The following PIK3C2B variants were observed in gnomAD, a reference collection of about 807,000 sequenced individuals.
The protein encoded by PIK3C2B is phosphatidylinositol-4-phosphate 3-kinase catalytic subunit type 2 beta, also known as phosphatidylinositol 4-phosphate 3-kinase C2 domain-containing subunit beta.
PIK3C2B carries 83 observed loss-of-function variants against 184.3 expected under a neutral mutation model. The observed-to-expected ratio is 0.45, with a 90% CI of 0.38 to 0.54. PIK3C2B has a LOEUF of 0.54. Among genes scored for constraint, PIK3C2B ranks in the 20% least tolerant of loss-of-function variants. PIK3C2B has a pLI of 0.00. For missense variants in PIK3C2B, 1,736 were observed against 2,113.5 expected (o/e 0.82, Z 3.50); for synonymous variants, 779 against 837.6 (o/e 0.93, Z 1.21).
In PIK3C2B at chr1:204,431,557, A is replaced by G. The variant is rs940497494; in HGVS notation, c.4280+112T>C. ...ATACCAGGCCAAGCAAAGCAGGCAG[A>G]TGTTTAGTCCAAAAGGGTATTTTCT... On this transcript the variant is annotated intron_variant, in intron 28 of 32. Transcript: ENST00000684373. 5.3e-6 allele frequency: 7 copies of G among 1,326,228 alleles called. No individual in the cohort carries two copies. The South Asian group carries it at 8.4e-5, about 16-fold the overall frequency. 82.2% of individuals were successfully genotyped at this position (1,326,228 alleles called of 1,614,324 possible). A position where few individuals can be genotyped will look rare whatever the true frequency, so the allele number is the denominator to read the frequency against.
At chr1:204,436,354 AC>A (rs561099108) in intron 23 of PIK3C2B, among the ~76,000 whole-genome samples, 47 of 151,994 alleles carry the variant, frequency 3.1e-4, no homozygotes, top group Non-Finnish European at 5.7e-4. Context: ...ACATGGCAAA[AC>A]CCCATCTCCA....
intron 2 of PIK3C2B, chr1:204,466,911 G>A (rs772674480): frequency 5.6e-6 from 3 of 533,256 alleles, no homozygotes; most frequent in South Asian, 4.2e-5. Flanking sequence ...CTGGGATAAG[G>A]AGGTTCCCTC....
intron 31 of PIK3C2B, among the ~76,000 whole-genome samples, 155 bp downstream of exon 31, chr1:204,427,493 T>G (rs1674805213): frequency 6.6e-6 from 1 of 152,196 alleles, no homozygotes; most frequent in Non-Finnish European, 1.5e-5. Flanking sequence ...TATTGCCTAG[T>G]CATACCATAG....
intron 16 of PIK3C2B, among the ~76,000 whole-genome samples, chr1:204,445,156 T>C (rs1189099038): frequency 6.7e-6 from 1 of 150,228 alleles, no homozygotes; most frequent in Non-Finnish European, 1.5e-5. Context: ...ACTCAGCCAA[T>C]GTACAGGTAA....
chr1:204,456,887 CA>C lies in PIK3C2B; in HGVS notation c.1747+149del. On this transcript the variant is annotated intron_variant, in intron 10 of 32. Coordinates refer to ENST00000684373, the MANE Select transcript of PIK3C2B (RefSeq NM_001377334.1). Reference sequence around the variant, plus strand: ...CCTCATATAGGAACACACACACACACACACACACACACACACACACCCACAC... The same window carrying C: ...CCTCATATAGGAACACACACACACACCACACACACACACACACACCCACAC... 2.6e-5 allele frequency: 13 copies of C among 496,832 alleles called. 2 individuals are homozygous for C. The East Asian group carries it at 4.8e-4, about 18-fold the overall frequency. The allele number at this position is 496,832 out of a possible 1,614,324, so 30.8% of individuals were successfully genotyped here. A position where few individuals can be genotyped will look rare whatever the true frequency, so the allele number is the denominator to read the frequency against.
intron 12 of PIK3C2B, among the ~76,000 whole-genome samples, chr1:204,453,749 T>G (rs1654572270): frequency 6.6e-6 from 1 of 150,636 alleles, no homozygotes; most frequent in African/African-American, 2.4e-5. Flanking sequence ...AAAAATAAAG[T>G]ATTATTAAAA....
At chr1:204,443,658 G>A (rs2103482785) in intron 18 of PIK3C2B, 61 bp from the exon 19 acceptor site, 2 of 1,488,750 alleles carry the variant, frequency 1.3e-6, no homozygotes, top group East Asian at 2.3e-5. Context: ...AGGGTACAGG[G>A]GGAGACAGAG....
intron 27 of PIK3C2B, 114 bp downstream of exon 27, chr1:204,432,086 A>G (rs896074290): frequency 9.5e-6 from 9 of 950,824 alleles, no homozygotes; most frequent in South Asian, 2.9e-5. Flanking sequence ...CTCCCAGCAC[A>G]GGACGCTCGG....
chr1:204,450,155 C>A, intron 12 of PIK3C2B, 138 bp from the exon 13 acceptor site: 1 of 681,140 alleles, frequency 1.5e-6, no homozygotes, highest in Non-Finnish European at 2.4e-6. Context: ...CTGAGGAAGC[C>A]CTCCTCCTGC....
rs1440410504 is a variant in PIK3C2B, at chr1:204,472,266, C to A, written c.-84-2380G>T. Among the ~76,000 whole-genome samples the A allele has an allele frequency of 1.2e-4, 18 of 151,542 alleles. 1 individual carries two copies. The highest frequency in any genetic ancestry group is 9.9e-4 in the Admixed American group (15 of 15,218). ...GCAAGCTCCACCTCCCAGGTTCATG[C>A]CATTCTCCTGCCTCAGCCTCCCGAG... On this transcript the variant is annotated intron_variant, in intron 1 of 32. Coordinates refer to ENST00000684373, the MANE Select transcript of PIK3C2B (RefSeq NM_001377334.1).
At chr1:204,483,149 C>T (rs1657317944) in intron 1 of PIK3C2B, among the ~76,000 whole-genome samples, 1 of 152,130 alleles carries the variant, frequency 6.6e-6, no homozygotes, top group Admixed American at 6.5e-5. Context: ...AGGCCAGGCA[C>T]AGTGGCTCAC....
rs1403051096 is a variant in PIK3C2B, at chr1:204,428,239, C to G, written c.4399-19G>C. On this transcript the variant is annotated intron_variant, in intron 29 of 32. Coordinates refer to ENST00000684373, the MANE Select transcript of PIK3C2B (RefSeq NM_001377334.1). ...AATCACACTGGAACAGAATCAGAAACAGGGCCATTCTTCAATAAGACAATG... is the reference window on the plus strand; with the variant it reads ...AATCACACTGGAACAGAATCAGAAAGAGGGCCATTCTTCAATAAGACAATG... 2.0e-6 allele frequency: 3 copies of G among 1,516,816 alleles called. No homozygotes were observed. In the East Asian group the frequency reaches 6.8e-5, roughly 34 times the overall value. 94.0% of individuals were successfully genotyped at this position (1,516,816 alleles called of 1,614,324 possible).
chr1:204,481,035 C>T (rs941352330), intron 1 of PIK3C2B, among the ~76,000 whole-genome samples: 2 of 152,040 alleles, frequency 1.3e-5, no homozygotes, highest in African/African-American at 2.4e-5. Context: ...ATCACACAAA[C>T]CATGTGTAAC....
At position 204,425,649 on chromosome 1, in the gene PIK3C2B, C is replaced by T. The variant is rs765527812; in HGVS notation, c.4680G>A (p.Val1560=). The T allele has an allele frequency of 6.2e-7, 1 of 1,614,104 alleles. No homozygotes were observed. Among genetic ancestry groups the T allele is most frequent in the Non-Finnish European group, 8.5e-7 (1 of 1,180,016 alleles). Reference sequence around the variant, plus strand: ...AGGTAGGATTGCAGGTTTTCCGGGCCACTTTGGTTTTCCTCTTAGTGGTTT... The same window carrying T: ...AGGTAGGATTGCAGGTTTTCCGGGCTACTTTGGTTTTCCTCTTAGTGGTTT... ...PQKTTKRKTK[V]ARKTCNPTYN... Residue 1560 remains valine, a synonymous_variant, in exon 32 of 33, where the codon GTG becomes GTA. Coordinates refer to ENST00000684373, the MANE Select transcript of PIK3C2B (RefSeq NM_001377334.1).
intron 1 of PIK3C2B, among the ~76,000 whole-genome samples, chr1:204,492,770 T>C (rs1658091168): frequency 2.0e-5 from 3 of 151,926 alleles, no homozygotes; most frequent in Admixed American, 6.6e-5. Context: ...GAGAAGGAAA[T>C]AGACAAGCAG....
chr1:204,432,554 C>T (rs1490582864), intron 26 of PIK3C2B, among the ~76,000 whole-genome samples, 153 bp from the exon 27 acceptor site: 1 of 152,174 alleles, frequency 6.6e-6, no homozygotes, highest in African/African-American at 2.4e-5. Flanking sequence ...AAGCAAATGA[C>T]TGGCACACAA....
At chr1:204,480,492 G>A (rs758641773) in intron 1 of PIK3C2B, among the ~76,000 whole-genome samples, 3 of 152,104 alleles carry the variant, frequency 2.0e-5, no homozygotes, top group Non-Finnish European at 4.4e-5. Flanking sequence ...CTTGGCCCCA[G>A]CCCTGTGCTC....
chr1:204,433,511 C>G lies in PIK3C2B; in HGVS notation c.3844-86G>C. 2 of 892,176 alleles carry G rather than the reference C, an allele frequency of 2.2e-6. No homozygotes were observed. The highest frequency in any genetic ancestry group is 3.7e-6 in the Non-Finnish European group (2 of 546,752). The allele number at this position is 892,176 out of a possible 1,614,324, so 55.3% of individuals were successfully genotyped here. On this transcript the variant is annotated intron_variant, in intron 25 of 32. Transcript: ENST00000684373. The surrounding 1 kb of genome is among the most constrained non-coding windows in gnomAD (Gnocchi z 5.0). ...CTCTACCCTTAGGCAAGGTTTTCTA[C>G]AGCTAGGCTCCCTAACCCTTCTAGA...
intron 14 of PIK3C2B, among the ~76,000 whole-genome samples, chr1:204,448,365 G>C (rs1654052547): frequency 6.6e-6 from 1 of 151,840 alleles, no homozygotes; most frequent in African/African-American, 2.4e-5. Flanking sequence ...GCCTCCCAAA[G>C]TGCTGGGATT....
Sources: gnomAD v4.1 joint callset for allele counts (sites outside exome capture counted in the v4.1 genomes callset) on GRCh38, gnomAD v4.1.1 for gene constraint, Gnocchi (gnomAD v3.1) non-coding constraint, MANE v1.5 for transcripts, NCBI Gene and HGNC (gene_info 2026-07-23, HGNC 2026-07-21) for gene names.